The following NUP37 variants were observed in gnomAD, a reference collection of about 807,000 sequenced individuals.
NUP37 encodes the protein nucleoporin 37, also known as nucleoporin Nup37.
NUP37 carries 33 observed loss-of-function variants against 45.4 expected under a neutral mutation model. The observed-to-expected ratio is 0.73, with a 90% confidence interval of 0.55 to 0.97. The LOEUF (loss-of-function observed/expected upper bound fraction) is 0.97. Ranked by LOEUF, NUP37 falls within the 50% of genes least tolerant of loss-of-function variation. The probability of loss-of-function intolerance (pLI) is 0.00; values close to 1 mark genes in which losing one functional copy is unlikely to be tolerated. For synonymous variants in NUP37, 127 were observed against 130.7 expected (o/e 0.97, Z 0.19); for missense variants, 365 against 389.7 (o/e 0.94, Z 0.53).
Position 102,099,114 on chromosome 12 carries a change from G to A in NUP37, c.441C>T (p.His147=). ...TAACATAAGCAACATACCTGCAGGT[G>A]TGATCGTCACTCACACTTGCAATTT... The part of the protein sequence containing the change: ...GQEIASVSDD[H]TCRIWNLEGV... Residue 147 remains histidine, a synonymous_variant, in exon 5 of 10, where the codon CAC becomes CAT. Coordinates refer to ENST00000552283, the MANE Select transcript of NUP37 (RefSeq NM_024057.4). 1 of 1,607,884 alleles carries A rather than the reference G, an allele frequency of 6.2e-7. No individual in the cohort carries two copies. The highest frequency in any genetic ancestry group is 8.5e-7 in the Non-Finnish European group (1 of 1,174,402).
chr12:102,089,525 A>G (rs1339571674), intron 5 of NUP37, among the ~76,000 whole-genome samples: 1 of 128,338 alleles, frequency 7.8e-6, no homozygotes, highest in African/African-American at 3.0e-5. Flanking sequence ...CACCTCCCAG[A>G]CGGGGCGGCC....
intron 6 of NUP37, among the ~76,000 whole-genome samples, chr12:102,084,777 G>C (rs1382357234): frequency 1.3e-5 from 2 of 151,478 alleles, no homozygotes; most frequent in Admixed American, 6.6e-5. Context: ...ATGAACTTTA[G>C]AGAACAGATG....
intron 6 of NUP37, among the ~76,000 whole-genome samples, chr12:102,079,421 T>C (rs1470237391): frequency 6.6e-6 from 1 of 152,206 alleles, no homozygotes; most frequent in Non-Finnish European, 1.5e-5. Context: ...TAGTTTGTTA[T>C]TATAAAGTTG....
chr12:102,083,239 C>T (rs1202381657), intron 6 of NUP37, among the ~76,000 whole-genome samples: 1 of 152,160 alleles, frequency 6.6e-6, no homozygotes, highest in Non-Finnish European at 1.5e-5. Context: ...GTGATATTAA[C>T]ATTTTGGTAG....
chr12:102,096,716 T>C (rs1449445898), intron 5 of NUP37, among the ~76,000 whole-genome samples: 1 of 152,184 alleles, frequency 6.6e-6, no homozygotes, highest in Non-Finnish European at 1.5e-5. Flanking sequence ...GAATCTTACA[T>C]TATCACATAT....
Position 102,117,456 on chromosome 12 carries a change from A to AT in NUP37, c.156+906_156+907insA, listed in dbSNP as rs527865919. On this transcript the variant is annotated intron_variant, in intron 2 of 9. Coordinates refer to ENST00000552283, the MANE Select transcript of NUP37 (RefSeq NM_024057.4). ...AACTCTGTCTGAAAAAAAAAAATAA[A>AT]AATAATAATAATACTCTGATAGACA... Among the ~76,000 whole-genome samples the AT allele has an allele frequency of 3.6e-3, 552 of 152,204 alleles. 2 individuals carry two copies. The highest frequency in any genetic ancestry group is 0.012 in the African/African-American group (511 of 41,522).
chr12:102,078,783 TTACTC>T (rs1879254392), intron 6 of NUP37, among the ~76,000 whole-genome samples: 1 of 152,238 alleles, frequency 6.6e-6, no homozygotes, highest in South Asian at 2.1e-4. Context: ...ACTATTTCCT[TTACTC>T]TAAGATACCA....
At chr12:102,101,383 C>A (rs984074327) in intron 3 of NUP37, among the ~76,000 whole-genome samples, 25 of 152,156 alleles carry the variant, frequency 1.6e-4, no homozygotes, top group Non-Finnish European at 2.6e-4. Flanking sequence ...GAATTTTACA[C>A]TAAATCAGCA....
chr12:102,074,391 C>T lies in NUP37; in HGVS notation c.944G>A (p.Gly315Glu). The change falls in exon 10 of 10, where the codon GGA becomes GAA. Residue 315 changes from glycine (G) to glutamate (E), a missense_variant. Physicochemically the swap from Gly to Glu is moderately conservative, Grantham distance 98 (BLOSUM62 -2). Coordinates refer to ENST00000552283, the MANE Select transcript of NUP37 (RefSeq NM_024057.4). ...HRTLPLCVIGGDHKLLFWVTE... is the reference protein window; with the variant it reads ...HRTLPLCVIGEDHKLLFWVTE... ...CACCCAAAACAACAGCTTGTGGTCT[C>T]CTCCAATTACACACAGAGGGAGAGT... 1 of 1,613,264 alleles carries T rather than the reference C, an allele frequency of 6.2e-7. No homozygotes were observed. Among genetic ancestry groups the T allele is most frequent in the Admixed American group, 1.7e-5 (1 of 59,964 alleles).
At chr12:102,076,687 T>C in intron 8 of NUP37, 110 bp downstream of exon 8, 2 of 813,408 alleles carry the variant, frequency 2.5e-6, no homozygotes, top group Middle Eastern at 4.6e-4. Flanking sequence ...TATAAAACAA[T>C]AAGGGAAAAA....
chr12:102,103,032 C>T (rs978949028), intron 3 of NUP37, among the ~76,000 whole-genome samples: 1 of 139,676 alleles, frequency 7.2e-6, no homozygotes, highest in Non-Finnish European at 1.5e-5. Context: ...TGTGATGCCT[C>T]CGGGTTTGTT....
At chr12:102,104,023 A>G (rs1880050712) in intron 3 of NUP37, among the ~76,000 whole-genome samples, 1 of 152,132 alleles carries the variant, frequency 6.6e-6, no homozygotes, top group Admixed American at 6.5e-5. Context: ...TCTATTTTTA[A>G]TTTTCTGAGG....
intron 8 of NUP37, among the ~76,000 whole-genome samples, chr12:102,075,879 CTT>C (rs79312878): frequency 6.9e-6 from 1 of 145,696 alleles, no homozygotes. Context: ...TCTCCTCTTA[CTT>C]TTTTTTTTTT....
chr12:102,079,281 C>G (rs181025100), intron 6 of NUP37: 1 of 454,364 alleles, frequency 2.2e-6, no homozygotes, highest in African/African-American at 2.0e-5. Context: ...TGTGACTGTT[C>G]TTTAAGAACG....
At chr12:102,102,207 A>G (rs1401000312) in intron 3 of NUP37, among the ~76,000 whole-genome samples, 1 of 152,222 alleles carries the variant, frequency 6.6e-6, no homozygotes, top group African/African-American at 2.4e-5. Context: ...GTTTGAGTAC[A>G]GTGAGCCATT....
intron 3 of NUP37, among the ~76,000 whole-genome samples, chr12:102,102,112 AT>A (rs979735186): frequency 2.0e-5 from 3 of 152,344 alleles, no homozygotes; most frequent in African/African-American, 7.2e-5. Context: ...AAAAATTTAA[AT>A]TATATTTATA....
At chr12:102,078,061 C>T (rs1017881743) in intron 6 of NUP37, among the ~76,000 whole-genome samples, 2 of 152,042 alleles carry the variant, frequency 1.3e-5, no homozygotes, top group African/African-American at 2.4e-5. Flanking sequence ...GGTGTGGTGG[C>T]TCACGCTTGT....
chr12:102,096,918 TA>T (rs1879823081), intron 5 of NUP37, among the ~76,000 whole-genome samples: 1 of 152,174 alleles, frequency 6.6e-6, no homozygotes, highest in East Asian at 1.9e-4. Flanking sequence ...AACTAAGCTG[TA>T]AATTCTAAAA....
chr12:102,106,904 C>A (rs1594398246), intron 3 of NUP37, among the ~76,000 whole-genome samples: 2 of 152,184 alleles, frequency 1.3e-5, no homozygotes, highest in Admixed American at 6.5e-5. Context: ...GACCTTCAGG[C>A]CTCCCAGATA....
Sources: allele counts gnomAD v4.1 joint callset (sites outside exome capture counted in the v4.1 genomes callset), GRCh38; gene constraint gnomAD v4.1.1; transcripts MANE v1.5; gene names NCBI Gene and HGNC (gene_info 2026-07-23, HGNC 2026-07-21).